ILF2: variants seen among roughly 807,000 people sequenced by gnomAD.
The protein encoded by ILF2 is interleukin enhancer-binding factor 2.
Under a neutral mutation model 55.3 loss-of-function variants are expected in ILF2, and 9 were observed. The ratio of observed to expected loss-of-function variants is 0.16; its 90% CI spans 0.10 to 0.28. The LOEUF is 0.28. Among genes scored for constraint, ILF2 ranks in the 10% least tolerant of loss-of-function variants. The probability of loss-of-function intolerance (pLI) is 1.00; values close to 1 mark genes in which losing one functional copy is unlikely to be tolerated. For synonymous variants in ILF2, 151 were observed against 161.8 expected (o/e 0.93, Z 0.50); for missense variants, 266 against 474.9 (o/e 0.56, Z 4.09).
At chr1:153,662,860 C>A in intron 12 of ILF2, 65 bp from the exon 13 acceptor site, 1 of 1,423,804 alleles carries the variant, frequency 7.0e-7, no homozygotes, top group Non-Finnish European at 9.9e-7. Context: ...TAATACCCTT[C>A]TGAAAACAGA....
At position 153,670,906 on chromosome 1, in the gene ILF2, C is replaced by A. The variant is rs778515969; in HGVS notation, c.5+12G>T. 1 of 1,614,190 alleles carries A rather than the reference C, an allele frequency of 6.2e-7. No homozygotes were observed. The highest frequency in any genetic ancestry group is 1.1e-5 in the South Asian group (1 of 91,084). On this transcript the variant is annotated intron_variant, in intron 1 of 13. Coordinates refer to ENST00000361891, the MANE Select transcript of ILF2 (RefSeq NM_004515.4). ...AATACCTGAAACCTTTCGACCGCTT[C>A]GACCCACTTACCTCATGGCGCCTTA...
chr1:153,670,788 C>A, intron 1 of ILF2, 130 bp downstream of exon 1: 1 of 1,074,496 alleles, frequency 9.3e-7, no homozygotes, highest in Non-Finnish European at 1.5e-6. Flanking sequence ...TATCCTAGAC[C>A]AGGAGTTCTC....
At chr1:153,664,201 A>G in intron 9 of ILF2, 71 bp from the exon 10 acceptor site, 1 of 1,035,308 alleles carries the variant, frequency 9.7e-7, no homozygotes, top group Non-Finnish European at 1.5e-6. Flanking sequence ...GTAGAATTGA[A>G]GCTGACTATG....
intron 3 of ILF2, among the ~76,000 whole-genome samples, 160 bp downstream of exon 3, chr1:153,669,676 A>G (rs1331136615): frequency 6.6e-6 from 1 of 152,088 alleles, no homozygotes; most frequent in African/African-American, 2.4e-5. Context: ...CCTGACCTTC[A>G]GGTAATCCAT....
At position 153,669,836 on chromosome 1, in the gene ILF2, C is replaced by G; in HGVS notation, c.108G>C (p.Leu36Phe). 6.2e-7 allele frequency: 1 copy of G among 1,611,608 alleles called. No individual in the cohort carries two copies. Among genetic ancestry groups the G allele is most frequent in the Non-Finnish European group, 8.5e-7 (1 of 1,177,734 alleles). ...TGTATCATTAACCCAAGGTACTCAC[C>G]AAATAGAAGTCAAATGGGATATGTG... is the stretch of plus-strand genomic sequence containing the variant. ...FVPHIPFDFY[L>F]CEMAFPRVKP... is the part of the protein sequence containing the mutation. The change falls in exon 3 of 14, where the codon TTG becomes TTC. Residue 36 changes from leucine (L) to phenylalanine (F), a missense_variant and splice_region_variant. Transcript: ENST00000361891.
rs758734758 is a variant in ILF2 at position 153,666,959 on chromosome 1, TAAA to T, written c.394+593_394+595del. On this transcript the variant is annotated intron_variant, in intron 6 of 13. Transcript: ENST00000361891. Reference sequence around the variant, plus strand: ...TAACATGGTGAAACCCCGTCTCTACTAAAAATAGAAAAATTAGCCTGGCATGGT... The same window carrying T: ...TAACATGGTGAAACCCCGTCTCTACTAATAGAAAAATTAGCCTGGCATGGT... 2.0e-5 allele frequency among the ~76,000 whole-genome samples: 3 copies of T among 151,320 alleles called. No homozygotes were observed. The East Asian group carries it at 5.9e-4, about 30-fold the overall frequency.
At chr1:153,670,352 T>C in intron 1 of ILF2, 122 bp from the exon 2 acceptor site, 1 of 887,642 alleles carries the variant, frequency 1.1e-6, no homozygotes, top group Admixed American at 2.2e-5. Flanking sequence ...CACTCACACT[T>C]ACACTTGTCC....
intron 5 of ILF2, 65 bp from the exon 6 acceptor site, chr1:153,667,722 G>T: frequency 1.8e-6 from 2 of 1,110,678 alleles, no homozygotes; most frequent in Non-Finnish European, 2.7e-6. Context: ...GGTCCTCCCA[G>T]AACTGTTACA....
chr1:153,666,265 C>CTCCAAA (rs1180077104), intron 6 of ILF2, among the ~76,000 whole-genome samples: 1 of 152,180 alleles, frequency 6.6e-6, no homozygotes, highest in African/African-American at 2.4e-5. Context: ...CTAACTCCAA[C>CTCCAAA]CTCTGCCTCC....
At chr1:153,666,280 T>G (rs1348654761) in intron 6 of ILF2, among the ~76,000 whole-genome samples, 1 of 152,008 alleles carries the variant, frequency 6.6e-6, no homozygotes, top group Non-Finnish European at 1.5e-5. Flanking sequence ...GCCTCCCAGG[T>G]TCAAGCAACT....
At chr1:153,666,950 C>T (rs900179213) in intron 6 of ILF2, among the ~76,000 whole-genome samples, 5 of 151,234 alleles carry the variant, frequency 3.3e-5, no homozygotes, top group Admixed American at 1.3e-4. Flanking sequence ...GGTGAAACCC[C>T]GTCTCTACTA....
chr1:153,662,295 T>A lies in ILF2; in HGVS notation c.*101A>T, dbSNP rs1189155326. The A allele has an allele frequency of 2.1e-6, 3 of 1,450,784 alleles. No homozygotes were observed. Among genetic ancestry groups the A allele is most frequent in the Non-Finnish European group, 1.9e-6 (2 of 1,065,888 alleles). The allele number at this position is 1,450,784 out of a possible 1,614,324, so 89.9% of individuals were successfully genotyped here. The stretch of plus-strand genomic sequence containing the variant: ...GGAGTTTACTTTTCTTCCTGCTATC[T>A]TCCCTATCCCACGGAAATGTCTGTC... On this transcript the variant is annotated 3_prime_UTR_variant, in exon 14 of 14. Transcript: ENST00000361891.
intron 8 of ILF2, 55 bp from the exon 9 acceptor site, chr1:153,664,529 TCA>T (rs1669258468): frequency 7.6e-7 from 1 of 1,313,206 alleles, no homozygotes; most frequent in Non-Finnish European, 1.1e-6. Flanking sequence ...AACAAGCTAC[TCA>T]TTACCACTGC....
intron 6 of ILF2, chr1:153,667,290 C>G (rs1669335731): frequency 1.9e-6 from 1 of 519,346 alleles, no homozygotes; most frequent in African/African-American, 1.9e-5. Context: ...CCAGCCCGAG[C>G]AACACGGTGA....
rs878861649 is a variant in ILF2 at position 153,663,331 on chromosome 1, A to G, written c.745-55T>C. ...CATCAAAATGGCACTTCTGATAACT[A>G]GAACTTTATTTTTTAGAGACAGGGC... On this transcript the variant is annotated intron_variant, in intron 10 of 13. Transcript: ENST00000361891. The G allele has an allele frequency of 8.9e-5, 135 of 1,510,426 alleles. 3 individuals carry two copies. The Middle Eastern group carries it at 1.6e-3, about 18-fold the overall frequency. The allele number at this position is 1,510,426 out of a possible 1,614,324, so 93.6% of individuals were successfully genotyped here.
chr1:153,663,986 C>T (rs1669243320), intron 10 of ILF2, 57 bp downstream of exon 10: 1 of 882,896 alleles, frequency 1.1e-6, no homozygotes, highest in Non-Finnish European at 1.9e-6. Flanking sequence ...ACTACTACTA[C>T]TACTACTACT....
rs1224169008 is a variant in ILF2 at position 153,670,984 on chromosome 1, A to G, written c.-62T>C. The G allele has an allele frequency of 1.2e-6, 2 of 1,606,960 alleles. No homozygotes were observed. The highest frequency in any genetic ancestry group is 1.7e-6 in the Non-Finnish European group (2 of 1,173,506). ...CCGCCCCTTCCTCTGAGTAGCAGAC[A>G]ACTGAAGAGGCGTCTTGCCGGCGTG... On this transcript the variant is annotated 5_prime_UTR_variant, in exon 1 of 14. Coordinates refer to ENST00000361891, the MANE Select transcript of ILF2 (RefSeq NM_004515.4).
chr1:153,664,550 TAAA>T, intron 8 of ILF2, 76 bp from the exon 9 acceptor site: 1 of 1,195,604 alleles, frequency 8.4e-7, no homozygotes, highest in South Asian at 1.2e-5. Flanking sequence ...GCTACAGTCT[TAAA>T]AACTTGGAAG....
At chr1:153,664,496 G>T (rs775063545) in intron 8 of ILF2, 22 bp from the exon 9 acceptor site, 1 of 1,578,838 alleles carries the variant, frequency 6.3e-7, no homozygotes, top group Non-Finnish European at 8.7e-7. Context: ...AGCATGATAT[G>T]CCAGGATGAA....
Sources: gnomAD v4.1 joint callset for allele counts (sites outside exome capture counted in the v4.1 genomes callset) on GRCh38, gnomAD v4.1.1 for gene constraint, MANE v1.5 for transcripts, NCBI Gene and HGNC (gene_info 2026-07-23, HGNC 2026-07-21) for gene names.